DYNC1I2: variants seen among roughly 807,000 people sequenced by gnomAD.
The protein encoded by DYNC1I2 is dynein cytoplasmic 1 intermediate chain 2, also known as cytoplasmic dynein 1 intermediate chain 2.
DYNC1I2 carries 53 observed loss-of-function variants against 88.6 expected under a neutral mutation model. The observed-to-expected ratio is 0.60, with a 90% CI of 0.48 to 0.75. The LOEUF (loss-of-function observed/expected upper bound fraction) is 0.75. Among genes scored for constraint, DYNC1I2 ranks in the 30% least tolerant of loss-of-function variants. The pLI, the probability that DYNC1I2 is intolerant of heterozygous loss-of-function variation, is 0.00. For missense variants in DYNC1I2, 458 were observed against 766.6 expected (o/e 0.60, Z 4.75); for synonymous variants, 198 against 254.6 (o/e 0.78, Z 2.12).
intron 2 of DYNC1I2, among the ~76,000 whole-genome samples, chr2:171,691,033 A>C (rs1302580824): frequency 6.6e-6 from 1 of 152,170 alleles, no homozygotes; most frequent in African/African-American, 2.4e-5. Flanking sequence ...ATTTATCTGA[A>C]TATTTTGCTA....
At chr2:171,703,694 A>G (rs974524703) in intron 3 of DYNC1I2, among the ~76,000 whole-genome samples, 2 of 152,190 alleles carry the variant, frequency 1.3e-5, no homozygotes, top group Non-Finnish European at 2.9e-5. Flanking sequence ...AATATTTCAG[A>G]GAGTTAAGGT....
At chr2:171,715,661 G>A (rs1365315000) in intron 7 of DYNC1I2, among the ~76,000 whole-genome samples, 2 of 152,058 alleles carry the variant, frequency 1.3e-5, no homozygotes, top group African/African-American at 4.8e-5. Context: ...GTTGTAAGCT[G>A]TATGTGTGGT....
At position 171,725,586 on chromosome 2, in the gene DYNC1I2, GTTT is replaced by G. The variant is rs761551330; in HGVS notation, c.512-27_512-25del. On this transcript the variant is annotated intron_variant, in intron 7 of 17. Coordinates refer to ENST00000397119, the MANE Select transcript of DYNC1I2 (RefSeq NM_001378.3). ...ATTTATTATATCATTCTGTTTTTTT[GTTT>G]TTTTGTTTGTTTTTTTTTTTTTTTT... The G allele has an allele frequency of 5.6e-6, 7 of 1,244,852 alleles. No homozygotes were observed. The African/African-American group carries it at 9.8e-5, about 17-fold the overall frequency. The allele number at this position is 1,244,852 out of a possible 1,614,324, so 77.1% of individuals were successfully genotyped here. A position where few individuals can be genotyped will look rare whatever the true frequency, so the allele number is the denominator to read the frequency against.
rs914767764 is a variant in DYNC1I2 at position 171,728,920 on chromosome 2, T to C, written c.1391+70T>C. 6 of 1,474,480 alleles carry C rather than the reference T, an allele frequency of 4.1e-6. No homozygotes were observed. The African/African-American group carries it at 5.8e-5, about 14-fold the overall frequency. 91.3% of individuals were successfully genotyped at this position (1,474,480 alleles called of 1,614,324 possible). A position where few individuals can be genotyped will look rare whatever the true frequency, so the allele number is the denominator to read the frequency against. ...AATCCCATTGAAACAAATTGTCTTATTTAAGTAGAAATCTGTCGTAGATCT... is the reference window on the plus strand; with the variant it reads ...AATCCCATTGAAACAAATTGTCTTACTTAAGTAGAAATCTGTCGTAGATCT... On this transcript the variant is annotated intron_variant, in intron 14 of 17. Transcript: ENST00000397119.
chr2:171,689,457 G>C (rs1276935582), intron 1 of DYNC1I2, among the ~76,000 whole-genome samples: 3 of 152,056 alleles, frequency 2.0e-5, no homozygotes, highest in Non-Finnish European at 4.4e-5. Flanking sequence ...TAATAGTTTT[G>C]ATCTGTGTCA....
At chr2:171,747,718 A>C (rs1384693815) in intron 17 of DYNC1I2, 58 bp from the exon 18 acceptor site, 1 of 1,222,034 alleles carries the variant, frequency 8.2e-7, no homozygotes, top group East Asian at 2.5e-5. Context: ...ACTGAATAAT[A>C]GTGGGTAAAA....
At chr2:171,704,813 T>C (rs897606614) in intron 3 of DYNC1I2, among the ~76,000 whole-genome samples, 22 of 152,188 alleles carry the variant, frequency 1.4e-4, no homozygotes, top group Admixed American at 1.4e-3. Context: ...CTTTGATTTT[T>C]CTAGATTAAT....
intron 2 of DYNC1I2, among the ~76,000 whole-genome samples, chr2:171,690,798 G>A (rs544241281): frequency 6.6e-6 from 1 of 151,938 alleles, no homozygotes; most frequent in Admixed American, 6.6e-5. Context: ...GGGCCTACAG[G>A]CACATGTCAC....
intron 15 of DYNC1I2, 71 bp from the exon 16 acceptor site, chr2:171,743,978 C>T: frequency 2.3e-6 from 3 of 1,312,492 alleles, no homozygotes; most frequent in South Asian, 2.1e-5. Flanking sequence ...CATTTTTTTC[C>T]CAGTGATAAG....
intron 3 of DYNC1I2, among the ~76,000 whole-genome samples, chr2:171,705,674 T>G (rs534969242): frequency 2.6e-5 from 4 of 152,080 alleles, no homozygotes; most frequent in Admixed American, 6.6e-5. Context: ...AAATGTAACC[T>G]AAGATAAATT....
chr2:171,745,266 T>C (rs1253083684), intron 16 of DYNC1I2, among the ~76,000 whole-genome samples: 1 of 152,208 alleles, frequency 6.6e-6, no homozygotes, highest in Non-Finnish European at 1.5e-5. Context: ...GCCATCATCC[T>C]GGCTATCTCC....
At chr2:171,738,321 A>G (rs1689157485) in intron 15 of DYNC1I2, among the ~76,000 whole-genome samples, 1 of 152,030 alleles carries the variant, frequency 6.6e-6, no homozygotes, top group African/African-American at 2.4e-5. Flanking sequence ...GACAAGAACG[A>G]AACTCCAGCT....
At chr2:171,713,232 T>TA (rs1687252013) in intron 6 of DYNC1I2, among the ~76,000 whole-genome samples, 1 of 152,100 alleles carries the variant, frequency 6.6e-6, no homozygotes, top group African/African-American at 2.4e-5. Flanking sequence ...TGCTGGTCCT[T>TA]ACACTGTTCA....
At chr2:171,721,773 T>C (rs1256759772) in intron 7 of DYNC1I2, among the ~76,000 whole-genome samples, 1 of 152,172 alleles carries the variant, frequency 6.6e-6, no homozygotes, top group East Asian at 1.9e-4. Context: ...TAAAATGGGA[T>C]GCACCAGTAC....
chr2:171,731,764 T>C (rs920597272), intron 15 of DYNC1I2, among the ~76,000 whole-genome samples: 1 of 151,648 alleles, frequency 6.6e-6, no homozygotes, highest in Non-Finnish European at 1.5e-5. Context: ...TGGTGGGTTC[T>C]TGTCTTGTGC....
At chr2:171,718,293 A>T (rs1442607783) in intron 7 of DYNC1I2, among the ~76,000 whole-genome samples, 2 of 151,990 alleles carry the variant, frequency 1.3e-5, no homozygotes, top group Non-Finnish European at 2.9e-5. Flanking sequence ...TTCATTTTTT[A>T]AAAATAGTTT....
intron 1 of DYNC1I2, chr2:171,688,711 C>T (rs536764689): frequency 3.3e-5 from 5 of 152,298 alleles, no homozygotes; most frequent in African/African-American, 1.2e-4. Context: ...GCTTGCCAGT[C>T]TTAATGGAGT....
At chr2:171,733,451 G>GC (rs1385552639) in intron 15 of DYNC1I2, among the ~76,000 whole-genome samples, 2 of 108,034 alleles carry the variant, frequency 1.9e-5, no homozygotes, top group Admixed American at 1.1e-4. Context: ...CCACAACCTT[G>GC]CCAGCATCTT....
intron 7 of DYNC1I2, among the ~76,000 whole-genome samples, chr2:171,716,287 A>G (rs1018427387): frequency 2.0e-5 from 3 of 152,184 alleles, no homozygotes; most frequent in African/African-American, 7.2e-5. Flanking sequence ...TTTGGCAGCA[A>G]AACATATGAA....
Sources: allele counts gnomAD v4.1 joint callset (sites outside exome capture counted in the v4.1 genomes callset), GRCh38; gene constraint gnomAD v4.1.1; transcripts MANE v1.5; gene names NCBI Gene and HGNC (gene_info 2026-07-23, HGNC 2026-07-21).